Variants in CCR6 observed in about 807,000 individuals in gnomAD.
CCR6 encodes the protein C-C motif chemokine receptor 6.
Under a neutral mutation model 3.0 loss-of-function variants are expected in CCR6, and 2 were observed. The ratio of observed to expected loss-of-function variants is 0.66; its 90% confidence interval spans 0.27 to 2.07. The LOEUF is 2.07. CCR6 is among the 30% of genes most tolerant of loss of function. The probability of loss-of-function intolerance (pLI) is 0.14; values close to 1 mark genes in which losing one functional copy is unlikely to be tolerated. For missense variants in CCR6, 322 were observed against 462.8 expected (o/e 0.70, Z 2.79); for synonymous variants, 193 against 184.3 (o/e 1.05, Z -0.38).
In CCR6 at chr6:167,137,482, C is replaced by T. The variant is rs1017365981; in HGVS notation, c.*127C>T. Reference sequence around the variant, plus strand: ...CAAAATCAAGCAAGCCTCTCTCCTGCGGGACTTAACGTGCTCATGGGCTGT... The same window carrying T: ...CAAAATCAAGCAAGCCTCTCTCCTGTGGGACTTAACGTGCTCATGGGCTGT... On this transcript the variant is annotated 3_prime_UTR_variant, in exon 3 of 3. Coordinates refer to ENST00000341935, the MANE Select transcript of CCR6 (RefSeq NM_031409.4). The surrounding 1 kb of genome is among the most constrained non-coding windows in gnomAD (Gnocchi z 4.6). The T allele has an allele frequency of 1.9e-5, 16 of 848,830 alleles. No individual in the cohort carries two copies. Among genetic ancestry groups the T allele is most frequent in the African/African-American group, 1.0e-4 (6 of 58,604 alleles). The allele number at this position is 848,830 out of a possible 1,614,324, so 52.6% of individuals were successfully genotyped here.
At chr6:167,124,803 A>G (rs1433656891) in intron 1 of CCR6, among the ~76,000 whole-genome samples, 2 of 151,722 alleles carry the variant, frequency 1.3e-5, no homozygotes, top group African/African-American at 4.8e-5. Context: ...ATGCGCGCAC[A>G]CACACACACA....
chr6:167,113,869 T>A (rs1272000601), intron 1 of CCR6, among the ~76,000 whole-genome samples: 1 of 152,210 alleles, frequency 6.6e-6, no homozygotes, highest in Non-Finnish European at 1.5e-5. Flanking sequence ...CCTCTTTACT[T>A]TTTAAAGCAC....
intron 1 of CCR6, chr6:167,131,380 G>A (rs1289573228): frequency 6.6e-6 from 1 of 152,242 alleles, no homozygotes; most frequent in East Asian, 1.9e-4. Flanking sequence ...TCGAGTGCAC[G>A]GCGTGCCGGG....
At chr6:167,132,707 A>AT (rs201031158) in intron 1 of CCR6, among the ~76,000 whole-genome samples, 1 of 151,980 alleles carries the variant, frequency 6.6e-6, no homozygotes, top group Non-Finnish European at 1.5e-5. Context: ...CGCCTGGCTA[A>AT]TTTTTGTATT....
chr6:167,112,158 CT>C (rs1781425139), intron 1 of CCR6: 1 of 152,116 alleles, frequency 6.6e-6, no homozygotes, highest in Non-Finnish European at 1.5e-5. Flanking sequence ...ATTTAGGCTA[CT>C]TTAGTCATCC....
intron 1 of CCR6, among the ~76,000 whole-genome samples, chr6:167,124,503 A>G (rs1781639532): frequency 6.6e-6 from 1 of 152,216 alleles, no homozygotes; most frequent in Non-Finnish European, 1.5e-5. Context: ...TACAGTATGC[A>G]AAACTCTGAT....
chr6:167,121,900 G>C (rs1249890952), upstream of CCR6, among the ~76,000 whole-genome samples: 1 of 152,198 alleles, frequency 6.6e-6, no homozygotes, highest in South Asian at 2.1e-4. Context: ...TATCCAGTAA[G>C]GGGGAGCCAC....
chr6:167,126,742 C>T (rs899783345), intron 1 of CCR6: 5 of 152,272 alleles, frequency 3.3e-5, no homozygotes, highest in African/African-American at 1.2e-4. Flanking sequence ...CCATAATCCC[C>T]ACGTGTGGTG....
chr6:167,133,896 T>C (rs1781805747), intron 1 of CCR6, among the ~76,000 whole-genome samples: 1 of 142,816 alleles, frequency 7.0e-6, no homozygotes, highest in Admixed American at 7.1e-5. Flanking sequence ...CAATTGTATA[T>C]ATAATTATTG....
At position 167,124,265 on chromosome 6, in the gene CCR6, G is replaced by GAAA. The variant is rs1554281749; in HGVS notation, c.-98+1054_-98+1056dup. Among the ~76,000 whole-genome samples, 907 of 135,614 alleles carry GAAA rather than the reference G, an allele frequency of 6.7e-3. 7 individuals carry two copies. The highest frequency in any genetic ancestry group is 0.023 in the African/African-American group (856 of 36,612). 89.0% of individuals were successfully genotyped at this position (135,614 alleles called of 152,430 possible). A position where few individuals can be genotyped will look rare whatever the true frequency, so the allele number is the denominator to read the frequency against. Reference sequence around the variant, plus strand: ...AACTTCCAAAGAAATTAAAGGAACTGAAAAAAAAAAAAAACCAACCCACAG... The same window carrying GAAA: ...AACTTCCAAAGAAATTAAAGGAACTGAAAAAAAAAAAAAAAAACCAACCCACAG... On this transcript the variant is annotated intron_variant, in intron 1 of 2. Coordinates refer to ENST00000341935, the MANE Select transcript of CCR6 (RefSeq NM_031409.4).
chr6:167,136,850 C>T lies in CCR6; in HGVS notation c.620C>T (p.Pro207Leu). ...CEPKYQTVSE[P>L]IRWKLLMLGL... Reference sequence around the variant, plus strand: ...CCCAAGTACCAGACTGTCTCGGAGCCCATCAGGTGGAAGCTGCTGATGTTG... The same window carrying T: ...CCCAAGTACCAGACTGTCTCGGAGCTCATCAGGTGGAAGCTGCTGATGTTG... The change falls in exon 3 of 3, where the codon CCC becomes CTC. Residue 207 changes from proline (P) to leucine (L), a missense_variant. Physicochemically the swap from Pro to Leu is moderately conservative, Grantham distance 98. Transcript: ENST00000341935. This position sits in a 1 kb window ranked among gnomAD's most constrained non-coding sequence, Gnocchi z 4.6. 6.2e-7 allele frequency: 1 copy of T among 1,614,126 alleles called. No individual in the cohort carries two copies. The highest frequency in any genetic ancestry group is 8.5e-7 in the Non-Finnish European group (1 of 1,180,028).
chr6:167,133,531 T>A (rs1439692297), intron 1 of CCR6, among the ~76,000 whole-genome samples: 7 of 152,004 alleles, frequency 4.6e-5, no homozygotes, highest in Non-Finnish European at 8.8e-5. Context: ...GACTGGGTAG[T>A]GTGAGTCCTC....
intron 1 of CCR6, among the ~76,000 whole-genome samples, chr6:167,129,255 C>T (rs779204178): frequency 1.9e-4 from 29 of 152,166 alleles, no homozygotes; most frequent in African/African-American, 3.6e-4. Context: ...CAGATTTTAT[C>T]GTAAGTGTTC....
chr6:167,118,670 G>T (rs1781538663), upstream of CCR6, among the ~76,000 whole-genome samples: 1 of 152,136 alleles, frequency 6.6e-6, no homozygotes, highest in Admixed American at 6.5e-5. Context: ...AGAAAGGTAT[G>T]AACTTTTGGA....
intron 1 of CCR6, among the ~76,000 whole-genome samples, chr6:167,131,037 C>A (rs1781755626): frequency 6.6e-6 from 1 of 150,698 alleles, no homozygotes; most frequent in Admixed American, 6.6e-5. Context: ...TCCCTCTGGA[C>A]CCCTTCTCTC....
At chr6:167,132,821 C>T (rs1256960587) in intron 1 of CCR6, among the ~76,000 whole-genome samples, 1 of 152,114 alleles carries the variant, frequency 6.6e-6, no homozygotes, top group East Asian at 1.9e-4. Context: ...GATTACAGGC[C>T]TGAGCCACTG....
chr6:167,121,284 C>T (rs1050841896), upstream of CCR6, among the ~76,000 whole-genome samples: 82 of 152,358 alleles, frequency 5.4e-4, 1 homozygote, highest in Non-Finnish European at 1.3e-4. Flanking sequence ...TTGTTCAACA[C>T]GTTACATTTC....
chr6:167,117,681 C>T (rs918631082), intron 1 of CCR6, among the ~76,000 whole-genome samples: 15 of 152,060 alleles, frequency 9.9e-5, no homozygotes, highest in African/African-American at 3.6e-4. Flanking sequence ...TCCCAAAGTG[C>T]TGGGATTACA....
At chr6:167,115,699 A>G (rs1270816311) in intron 1 of CCR6, 1 of 152,270 alleles carries the variant, frequency 6.6e-6, no homozygotes, top group Non-Finnish European at 1.5e-5. Context: ...AATAGTCACT[A>G]TAATTAGTCC....
Sources: allele counts gnomAD v4.1 joint callset (sites outside exome capture counted in the v4.1 genomes callset), GRCh38; gene constraint gnomAD v4.1.1; non-coding constraint Gnocchi (gnomAD v3.1); transcripts MANE v1.5; gene names NCBI Gene and HGNC (gene_info 2026-07-23, HGNC 2026-07-21).